TGFBR3: variants seen among roughly 807,000 people sequenced by gnomAD.
The protein encoded by TGFBR3 is transforming growth factor beta receptor type 3.
Under a neutral mutation model 87.9 loss-of-function variants are expected in TGFBR3, and 46 were observed. That is an observed-to-expected ratio of 0.52 (90% CI 0.41 to 0.67). TGFBR3 has a LOEUF of 0.67. Among genes scored for constraint, TGFBR3 ranks in the 30% least tolerant of loss-of-function variants. The pLI is 0.00. For missense variants in TGFBR3, 866 were observed against 1,041.9 expected, an observed-to-expected ratio of 0.83 and a Z score of 2.32; for synonymous variants, 381 against 391.6, an observed-to-expected ratio of 0.97 and a Z score of 0.32.
intron 2 of TGFBR3, among the ~76,000 whole-genome samples, chr1:91,805,011 G>T (rs780836588): frequency 1.3e-5 from 2 of 152,180 alleles, no homozygotes; most frequent in Admixed American, 6.5e-5. Flanking sequence ...AAGCACACAC[G>T]CGTGCTCACT....
intron 2 of TGFBR3, among the ~76,000 whole-genome samples, chr1:91,801,915 C>A (rs1249261314): frequency 6.6e-6 from 1 of 152,158 alleles, no homozygotes. Context: ...AAAAACATAA[C>A]TGGATAAGTT....
chr1:91,770,451 A>G lies in TGFBR3; in HGVS notation c.247-11701T>C, dbSNP rs574086399. On this transcript the variant is annotated intron_variant, in intron 3 of 16. Transcript: ENST00000212355. ...TAAGAAACTACAGCATACTATTTCT[A>G]CACTCTATAGAAGCAGCAAATATAG... 5.9e-5 allele frequency among the ~76,000 whole-genome samples: 9 copies of G among 152,322 alleles called. No individual in the cohort carries two copies. The South Asian group carries it at 1.9e-3, about 32-fold the overall frequency.
intron 16 of TGFBR3, among the ~76,000 whole-genome samples, chr1:91,686,537 T>C (rs1363885383): frequency 6.6e-6 from 1 of 152,224 alleles, no homozygotes; most frequent in African/African-American, 2.4e-5. Context: ...CTGTGGCTAT[T>C]TTCACATGTA....
At position 91,727,760 on chromosome 1, in the gene TGFBR3, C is replaced by T. The variant is rs777776328; in HGVS notation, c.784G>A (p.Asp262Asn). ...ATGAGATTTTTGACCACTTCAAGAT[C>T]CTCTTGAGAAGGTCTTATATCAATT... ...ITIDIRPSQE[D>N]LEVVKNLILI... The change falls in exon 7 of 17, where the codon GAT becomes AAT. Residue 262 changes from aspartate (D) to asparagine (N), a missense_variant. Physicochemically the swap from Asp to Asn is conservative, Grantham distance 23. Coordinates refer to ENST00000212355, the MANE Select transcript of TGFBR3 (RefSeq NM_003243.5). The T allele has an allele frequency of 1.2e-6, 2 of 1,613,890 alleles. No individual in the cohort carries two copies. The highest frequency in any genetic ancestry group is 2.7e-5 in the African/African-American group (2 of 74,922).
Position 91,875,516 on chromosome 1 carries a change from G to A in TGFBR3, c.-114+10362C>T, listed in dbSNP as rs1376760100. Among the ~76,000 whole-genome samples the A allele has an allele frequency of 3.3e-5, 5 of 152,114 alleles. No individual in the cohort carries two copies. In the South Asian group the frequency reaches 6.2e-4, roughly 19 times the overall value. ...ATGTAGACTGAAAAGACAAGAAAAA[G>A]AAAAGAAGAGGGGAGAGGAGAGGAG... On this transcript the variant is annotated intron_variant, in intron 1 of 16. Coordinates refer to ENST00000212355, the MANE Select transcript of TGFBR3 (RefSeq NM_003243.5).
chr1:91,796,879 G>A (rs1037659668), intron 3 of TGFBR3, among the ~76,000 whole-genome samples: 17 of 151,572 alleles, frequency 1.1e-4, no homozygotes, highest in African/African-American at 3.9e-4. Flanking sequence ...ACCACACCCT[G>A]CTAATTTTTT....
In TGFBR3 at chr1:91,719,303, A is replaced by G; in HGVS notation, c.1566+9T>C. On this transcript the variant is annotated intron_variant, in intron 10 of 16. Transcript: ENST00000212355. ...CAAAGGGCAAAGCTTTGTTCTGGAA[A>G]ACACTCACGGAGTTATAGTAGACCA... 1 of 1,614,158 alleles carries G rather than the reference A, an allele frequency of 6.2e-7. No individual in the cohort carries two copies.
intron 1 of TGFBR3, among the ~76,000 whole-genome samples, chr1:91,875,121 A>G (rs1371761142): frequency 6.6e-6 from 1 of 152,152 alleles, no homozygotes; most frequent in Non-Finnish European, 1.5e-5. Flanking sequence ...CATGCTACAC[A>G]CCTAGAATAC....
chr1:91,820,406 G>A (rs1349884896), intron 2 of TGFBR3, among the ~76,000 whole-genome samples: 2 of 152,094 alleles, frequency 1.3e-5, no homozygotes, highest in African/African-American at 2.4e-5. Flanking sequence ...ATAACCAGCC[G>A]GGCACGGTGG....
At chr1:91,812,825 G>A (rs931452695) in intron 2 of TGFBR3, among the ~76,000 whole-genome samples, 2 of 152,170 alleles carry the variant, frequency 1.3e-5, no homozygotes, top group South Asian at 4.1e-4. Context: ...TGTTGGCCAG[G>A]CTGGTCTCAA....
In TGFBR3 at chr1:91,727,735, A is replaced by G. The variant is rs753325521; in HGVS notation, c.809T>C (p.Ile270Thr). The G allele has an allele frequency of 6.2e-7, 1 of 1,614,140 alleles. No homozygotes were observed. Among genetic ancestry groups the G allele is most frequent in the African/African-American group, 1.3e-5 (1 of 75,066 alleles). Residue 270 changes from isoleucine to threonine, a missense_variant, in exon 7 of 17, where the codon ATC becomes ACC. Coordinates refer to ENST00000212355, the MANE Select transcript of TGFBR3 (RefSeq NM_003243.5). Reference sequence around the variant, plus strand: ...AGACTTTTTGCACTTCAAGATCAGGATGAGATTTTTGACCACTTCAAGATC... The same window carrying G: ...AGACTTTTTGCACTTCAAGATCAGGGTGAGATTTTTGACCACTTCAAGATC... ...QEDLEVVKNLILILKCKKSVN... is the reference protein window; with the variant it reads ...QEDLEVVKNLTLILKCKKSVN...
intron 2 of TGFBR3, among the ~76,000 whole-genome samples, chr1:91,799,480 C>T (rs1004909673): frequency 2.6e-5 from 4 of 152,160 alleles, no homozygotes; most frequent in African/African-American, 4.8e-5. Flanking sequence ...CTTTCCCAGC[C>T]GCAGTGGGAT....
rs144255812 is a variant in TGFBR3 at position 91,691,851 on chromosome 1, T to C, written c.2437+3821A>G. Among the ~76,000 whole-genome samples, 643 of 152,016 alleles carry C rather than the reference T, an allele frequency of 4.2e-3. 3 individuals carry two copies. The highest frequency in any genetic ancestry group is 0.014 in the African/African-American group (596 of 41,468). On this transcript the variant is annotated intron_variant, in intron 16 of 16. Transcript: ENST00000212355. ...AAGGAGATTGAGACAGCTGGCAGGG[T>C]CAGCAGAAGAATTAATGATAAATAC...
At chr1:91,825,042 T>C (rs1367642587) in intron 2 of TGFBR3, among the ~76,000 whole-genome samples, 1 of 152,230 alleles carries the variant, frequency 6.6e-6, no homozygotes, top group Non-Finnish European at 1.5e-5. Flanking sequence ...AGTAACCATA[T>C]GACCCAGCGA....
At chr1:91,888,344 T>C (rs1679379472), upstream of TGFBR3, among the ~76,000 whole-genome samples, 3 of 152,246 alleles carry the variant, frequency 2.0e-5, no homozygotes, top group Admixed American at 2.0e-4. Context: ...TATGCCTTGT[T>C]AACAAGTTTT....
intron 2 of TGFBR3, among the ~76,000 whole-genome samples, chr1:91,897,665 G>C (rs569267908): frequency 2.0e-5 from 3 of 152,164 alleles, no homozygotes; most frequent in African/African-American, 7.2e-5. Context: ...GATTGCTTAC[G>C]TTTTGTTCCA....
At chr1:91,785,979 G>A (rs1475986675) in intron 3 of TGFBR3, among the ~76,000 whole-genome samples, 1 of 151,922 alleles carries the variant, frequency 6.6e-6, no homozygotes, top group Non-Finnish European at 1.5e-5. Context: ...GCCCAGGCTG[G>A]TCTTGAACTC....
intron 7 of TGFBR3, among the ~76,000 whole-genome samples, chr1:91,724,161 T>A (rs1216640332): frequency 1.3e-5 from 2 of 152,168 alleles, no homozygotes; most frequent in African/African-American, 4.8e-5. Flanking sequence ...TTTAATAGAT[T>A]CAGAATATTT....
chr1:91,870,941 C>A (rs1427493453), intron 1 of TGFBR3, among the ~76,000 whole-genome samples: 1 of 151,918 alleles, frequency 6.6e-6, no homozygotes, highest in Non-Finnish European at 1.5e-5. Flanking sequence ...AAGGCTGAGG[C>A]AGGGGGATCA....
Sources: gnomAD v4.1 joint callset for allele counts (sites outside exome capture counted in the v4.1 genomes callset) on GRCh38, gnomAD v4.1.1 for gene constraint, MANE v1.5 for transcripts, NCBI Gene and HGNC (gene_info 2026-07-23, HGNC 2026-07-21) for gene names.